Variants in ARL15 observed in about 807,000 individuals in gnomAD.
ARL15 encodes ARF like GTPase 15.
ARL15 carries 19 observed loss-of-function variants against 25.2 expected under a neutral mutation model. That is an observed-to-expected ratio of 0.75 (90% CI 0.53 to 1.10). The LOEUF is 1.10. ARL15 is among the 50% of genes least tolerant of loss of function. The pLI is 0.00. For missense variants in ARL15, 220 were observed against 246.0 expected, an observed-to-expected ratio of 0.89 and a Z score of 0.71; for synonymous variants, 94 against 86.8, an observed-to-expected ratio of 1.08 and a Z score of -0.46.
chr5:54,167,672 C>A (rs1355164522), intron 2 of ARL15, among the ~76,000 whole-genome samples: 1 of 152,154 alleles, frequency 6.6e-6, no homozygotes, highest in Non-Finnish European at 1.5e-5. Context: ...TGATGACCAC[C>A]CTAAACCTCT....
chr5:53,980,126 C>CA (rs11443126), intron 4 of ARL15, among the ~76,000 whole-genome samples: 109,968 of 151,962 alleles, frequency 0.72, 40,016 homozygotes, highest in East Asian at 0.87. Context: ...ATACTTTTTG[C>CA]TTTCCTTATG....
chr5:54,205,071 A>G (rs1430034835), intron 1 of ARL15, among the ~76,000 whole-genome samples: 3 of 151,670 alleles, frequency 2.0e-5, no homozygotes, highest in Admixed American at 1.3e-4. Flanking sequence ...AGTAGCTGGG[A>G]TTTACGGGTG....
chr5:54,059,236 C>G (rs1750988723), intron 4 of ARL15, among the ~76,000 whole-genome samples: 1 of 152,140 alleles, frequency 6.6e-6, no homozygotes, highest in Admixed American at 6.5e-5. Flanking sequence ...ATGGCTACTT[C>G]CTAAGAAATG....
intron 4 of ARL15, among the ~76,000 whole-genome samples, chr5:53,909,873 G>A (rs7713737): frequency 0.36 from 55,278 of 152,058 alleles, 10,593 homozygotes; most frequent in Non-Finnish European, 0.43. Flanking sequence ...TGAATGTGAA[G>A]CACACAATAG....
chr5:54,037,875 A>C (rs1750220650), intron 4 of ARL15, among the ~76,000 whole-genome samples: 1 of 152,132 alleles, frequency 6.6e-6, no homozygotes, highest in Admixed American at 6.6e-5. Context: ...TCTTGGCAGC[A>C]ATATAATGAT....
At chr5:54,216,409 G>A (rs1036823648) in intron 1 of ARL15, among the ~76,000 whole-genome samples, 1 of 152,004 alleles carries the variant, frequency 6.6e-6, no homozygotes, top group Non-Finnish European at 1.5e-5. Flanking sequence ...CTTCTTGGCT[G>A]GCTTATATTG....
chr5:54,167,764 TGAAAGAACTGTC>T (rs1416948197), intron 2 of ARL15, among the ~76,000 whole-genome samples: 1 of 152,166 alleles, frequency 6.6e-6, no homozygotes, highest in African/African-American at 2.4e-5. Flanking sequence ...TCCACCTTCT[TGAAAGAACTGTC>T]TATATTCCAA....
chr5:54,272,934 C>T (rs1757827002), intron 1 of ARL15, among the ~76,000 whole-genome samples: 1 of 152,168 alleles, frequency 6.6e-6, no homozygotes, highest in Non-Finnish European at 1.5e-5. Context: ...CAGAAGAAAG[C>T]TGGCTGGACC....
At chr5:54,092,825 T>C (rs992966605) in intron 4 of ARL15, among the ~76,000 whole-genome samples, 16 of 152,320 alleles carry the variant, frequency 1.1e-4, no homozygotes, top group African/African-American at 3.1e-4. Flanking sequence ...CCTACACTGA[T>C]ACTAATTTTC....
chr5:54,016,224 T>C (rs1163401309), intron 4 of ARL15, among the ~76,000 whole-genome samples: 1 of 152,178 alleles, frequency 6.6e-6, no homozygotes, highest in African/African-American at 2.4e-5. Context: ...TCCCTTATAG[T>C]GTATAATATA....
chr5:54,250,074 T>G (rs1016974302), intron 1 of ARL15, among the ~76,000 whole-genome samples: 2 of 152,152 alleles, frequency 1.3e-5, no homozygotes, highest in Non-Finnish European at 2.9e-5. Flanking sequence ...GGCATCTGTT[T>G]CTGGTGAGGT....
intron 4 of ARL15, among the ~76,000 whole-genome samples, chr5:53,921,644 C>T (rs900060409): frequency 3.9e-5 from 6 of 152,042 alleles, no homozygotes; most frequent in African/African-American, 4.8e-5. Context: ...TGGTGGAGTG[C>T]GCCAGTAGTC....
Position 53,907,486 on chromosome 5 carries a change from ATATTTTTTTTTT to A in ARL15, c.463-20785_463-20774del, listed in dbSNP as rs1224602218. On this transcript the variant is annotated intron_variant, in intron 4 of 4. Transcript: ENST00000504924. ...TATATATATATATATATATATATAT[ATATTTTTTTTTT>A]TTTTTTTTTTTTTTTTTGAGGCGGA... 9.7e-3 allele frequency among the ~76,000 whole-genome samples: 218 copies of A among 22,396 alleles called. 2 individuals carry two copies. The highest frequency in any genetic ancestry group is 0.014 in the Non-Finnish European group (191 of 13,692). The allele number at this position is 22,396 out of a possible 152,430, so 14.7% of individuals were successfully genotyped here.
At chr5:54,063,115 G>C (rs1262340076) in intron 4 of ARL15, among the ~76,000 whole-genome samples, 1 of 152,186 alleles carries the variant, frequency 6.6e-6, no homozygotes, top group Non-Finnish European at 1.5e-5. Flanking sequence ...GTCAGGAAGA[G>C]AGAGGGGGGA....
rs548156982 is a variant in ARL15 at position 54,086,349 on chromosome 5, C to G, written c.462+26853G>C. The stretch of plus-strand genomic sequence containing the variant: ...TTAATTGCTTATTAGTTCTATAGCT[C>G]TATAAAGGCAAATAGCCTCATCCTG... On this transcript the variant is annotated intron_variant, in intron 4 of 4. Transcript: ENST00000504924. Among the ~76,000 whole-genome samples, 34 of 152,000 alleles carry G rather than the reference C, an allele frequency of 2.2e-4. No individual in the cohort carries two copies. In the South Asian group the frequency reaches 2.3e-3, roughly 10 times the overall value.
intron 4 of ARL15, among the ~76,000 whole-genome samples, chr5:54,027,720 T>C (rs1749826675): frequency 6.6e-6 from 1 of 152,078 alleles, no homozygotes; most frequent in Admixed American, 6.6e-5. Context: ...AACTTTTTCT[T>C]ATACCCTCCC....
intron 1 of ARL15, among the ~76,000 whole-genome samples, chr5:54,177,507 C>T (rs1328100420): frequency 6.6e-6 from 1 of 152,078 alleles, no homozygotes; most frequent in Non-Finnish European, 1.5e-5. Flanking sequence ...GACCTAGCAC[C>T]AAGGCAGCAA....
At chr5:54,249,186 T>C (rs1046527686) in intron 1 of ARL15, among the ~76,000 whole-genome samples, 2 of 152,208 alleles carry the variant, frequency 1.3e-5, no homozygotes, top group Non-Finnish European at 2.9e-5. Flanking sequence ...GTATCATAAC[T>C]TGGCAGACAG....
Position 54,310,517 on chromosome 5 carries a change from G to GAA in ARL15, c.-40_-39dup. 2 of 1,506,544 alleles carry GAA rather than the reference G, an allele frequency of 1.3e-6. No individual in the cohort carries two copies. The highest frequency in any genetic ancestry group is 2.5e-5 in the East Asian group (1 of 40,088). 93.3% of individuals were successfully genotyped at this position (1,506,544 alleles called of 1,614,324 possible). On this transcript the variant is annotated 5_prime_UTR_variant, in exon 1 of 5. Coordinates refer to ENST00000504924, the MANE Select transcript of ARL15 (RefSeq NM_019087.3). ...AGCATCCGGAACGGCTCCGAACCCG[G>GAA]AAAAAAAAAGCAGCGTCTCTGGCTG...
Sources: allele counts gnomAD v4.1 joint callset (sites outside exome capture counted in the v4.1 genomes callset), GRCh38; gene constraint gnomAD v4.1.1; transcripts MANE v1.5; gene names NCBI Gene and HGNC (gene_info 2026-07-23, HGNC 2026-07-21).